Variants in ATRNL1 observed in about 807,000 individuals in gnomAD.
The protein encoded by ATRNL1 is attractin like 1.
A neutral mutation model predicts 182.7 loss-of-function variants in ATRNL1; 95 were observed. The observed-to-expected ratio is 0.52, with a 90% CI of 0.44 to 0.62. ATRNL1 has a LOEUF of 0.62. Among genes scored for constraint, ATRNL1 ranks in the 20% least tolerant of loss-of-function variants. ATRNL1 has a pLI of 0.00. For missense variants in ATRNL1, 1,471 were observed against 1,679.5 expected (o/e 0.88, Z 2.17); for synonymous variants, 576 against 568.3 (o/e 1.01, Z -0.19).
At chr10:115,766,480 C>T (rs1172949827) in intron 27 of ATRNL1, among the ~76,000 whole-genome samples, 1 of 152,214 alleles carries the variant, frequency 6.6e-6, no homozygotes, top group African/African-American at 2.4e-5. Flanking sequence ...GAAAATATCT[C>T]CCCACAGCCT....
intron 4 of ATRNL1, among the ~76,000 whole-genome samples, chr10:115,128,041 T>C (rs11197073): frequency 0.013 from 2,004 of 152,330 alleles, 41 homozygotes; most frequent in African/African-American, 0.046. Flanking sequence ...AGTTGTGAAC[T>C]GCCTTTCAGT....
At chr10:115,696,898 A>AGAG (rs572628639) in intron 26 of ATRNL1, among the ~76,000 whole-genome samples, 1 of 147,584 alleles carries the variant, frequency 6.8e-6, no homozygotes, top group South Asian at 2.1e-4. Flanking sequence ...AGAGAGAGAG[A>AGAG]GCGAGCGAGC....
intron 1 of ATRNL1, among the ~76,000 whole-genome samples, chr10:115,117,288 TCTCA>T (rs1197674383): frequency 5.9e-5 from 9 of 151,926 alleles, no homozygotes; most frequent in African/African-American, 2.2e-4. Flanking sequence ...CAAATACTAG[TCTCA>T]TTCATTCATT....
rs76738279 is a variant in ATRNL1, at chr10:115,758,995, T to A, written c.3903+31640T>A. ...ATGTAATAGTGTCAATAACAAAATA[T>A]TTGTATTACAATTTTAAAATACTTC... On this transcript the variant is annotated intron_variant, in intron 27 of 28. Transcript: ENST00000355044. Among the ~76,000 whole-genome samples the A allele has an allele frequency of 3.0e-3, 451 of 152,338 alleles. 2 individuals carry two copies. Among genetic ancestry groups the A allele is most frequent in the African/African-American group, 0.01 (424 of 41,588 alleles).
At chr10:115,766,781 C>A (rs1472112784) in intron 27 of ATRNL1, among the ~76,000 whole-genome samples, 2 of 152,084 alleles carry the variant, frequency 1.3e-5, no homozygotes, top group African/African-American at 4.8e-5. Context: ...TATCTTCAGA[C>A]TATTATGCAT....
intron 9 of ATRNL1, among the ~76,000 whole-genome samples, chr10:115,225,180 T>C (rs1849639712): frequency 6.6e-6 from 1 of 151,996 alleles, no homozygotes; most frequent in Non-Finnish European, 1.5e-5. Flanking sequence ...TTAAAATTTA[T>C]AAAATTTGAA....
chr10:115,725,099 C>T (rs545358125), intron 26 of ATRNL1, among the ~76,000 whole-genome samples: 36 of 152,210 alleles, frequency 2.4e-4, no homozygotes, highest in African/African-American at 8.4e-4. Context: ...ACCAGATTTG[C>T]TTTACAAACT....
intron 26 of ATRNL1, among the ~76,000 whole-genome samples, chr10:115,711,370 AAG>A (rs1947059217): frequency 6.6e-6 from 1 of 152,178 alleles, no homozygotes; most frequent in South Asian, 2.1e-4. Context: ...TTCTAAAAGG[AAG>A]AGAGGCAGAT....
chr10:115,256,421 G>A (rs1851138803), intron 10 of ATRNL1, among the ~76,000 whole-genome samples: 1 of 152,220 alleles, frequency 6.6e-6, no homozygotes, highest in South Asian at 2.1e-4. Context: ...TAGTTTATTT[G>A]CATAGAGGTG....
chr10:115,606,701 G>A lies in ATRNL1; in HGVS notation c.3795+57165G>A, dbSNP rs185150995. Among the ~76,000 whole-genome samples, 423 of 152,146 alleles carry A rather than the reference G, an allele frequency of 2.8e-3. 1 individual carries two copies. Among genetic ancestry groups the A allele is most frequent in the Non-Finnish European group, 5.1e-3 (348 of 67,892 alleles). Reference sequence around the variant, plus strand: ...TTTTTAAAGAGATGTTTCTATGACAGTATTATACATAAGACTTCAAAATAA... The same window carrying A: ...TTTTTAAAGAGATGTTTCTATGACAATATTATACATAAGACTTCAAAATAA... On this transcript the variant is annotated intron_variant, in intron 26 of 28. Transcript: ENST00000355044.
chr10:115,216,384 G>A (rs564138537), intron 9 of ATRNL1, among the ~76,000 whole-genome samples: 1 of 152,284 alleles, frequency 6.6e-6, no homozygotes, highest in Non-Finnish European at 1.5e-5. Flanking sequence ...AACAGGGTAT[G>A]TGTCCCTGAT....
At chr10:115,493,778 T>A (rs1268860283) in intron 24 of ATRNL1, among the ~76,000 whole-genome samples, 4 of 152,220 alleles carry the variant, frequency 2.6e-5, no homozygotes, top group African/African-American at 9.6e-5. Flanking sequence ...CTAGCTTCTG[T>A]TATTATTTGA....
chr10:115,915,882 A>G (rs1201119687), intron 28 of ATRNL1, among the ~76,000 whole-genome samples: 1 of 152,044 alleles, frequency 6.6e-6, no homozygotes, highest in Non-Finnish European at 1.5e-5. Context: ...GTATAAGGCC[A>G]CAATTTAATT....
At chr10:115,781,417 G>A (rs537103527) in intron 27 of ATRNL1, among the ~76,000 whole-genome samples, 9 of 152,276 alleles carry the variant, frequency 5.9e-5, no homozygotes, top group East Asian at 1.9e-4. Context: ...TTATGGCAGC[G>A]CTCTGTATAC....
In ATRNL1 at chr10:115,127,634, C is replaced by G; in HGVS notation, c.533C>G (p.Pro178Arg). ...VPEIRGNETV[P>R]EVVTTSGYAL... ...GAAATAAGGGGCAATGAAACTGTGC[C>G]TGAAGTTGTTACTACATCTGGCTAT... is the stretch of plus-strand genomic sequence containing the variant. Residue 178 changes from proline to arginine, a missense_variant, in exon 4 of 29, where the codon CCT becomes CGT. Pro to Arg is a moderately radical substitution (Grantham distance 103). This residue lies in a region of ATRNL1 where 1,031 missense variants were observed against 1,156.0 expected (regional missense o/e 0.89). Transcript: ENST00000355044. 1 of 1,607,328 alleles carries G rather than the reference C, an allele frequency of 6.2e-7. No individual in the cohort carries two copies. Among genetic ancestry groups the G allele is most frequent in the Non-Finnish European group, 8.5e-7 (1 of 1,177,068 alleles).
At chr10:115,820,526 A>C (rs1045943058) in intron 27 of ATRNL1, 3 of 152,122 alleles carry the variant, frequency 2.0e-5, no homozygotes, top group Non-Finnish European at 2.9e-5. Context: ...TGATTTAAAA[A>C]CTGATCTCTG....
chr10:115,705,295 A>G (rs1222695214), intron 26 of ATRNL1, among the ~76,000 whole-genome samples: 1 of 151,962 alleles, frequency 6.6e-6, no homozygotes, highest in Non-Finnish European at 1.5e-5. Flanking sequence ...AGTGATTCAA[A>G]TACTAATGGA....
At chr10:115,537,579 T>C (rs1300294178) in intron 25 of ATRNL1, among the ~76,000 whole-genome samples, 1 of 152,200 alleles carries the variant, frequency 6.6e-6, no homozygotes, top group Admixed American at 6.5e-5. Flanking sequence ...AAATCTTCCT[T>C]TTACATTTAT....
At chr10:115,651,976 T>C (rs1860040354) in intron 26 of ATRNL1, among the ~76,000 whole-genome samples, 1 of 152,144 alleles carries the variant, frequency 6.6e-6, no homozygotes, top group Admixed American at 6.6e-5. Context: ...ACAACTGTAG[T>C]AACCCTGTTT....
Sources: gnomAD v4.1 joint callset for allele counts (sites outside exome capture counted in the v4.1 genomes callset) on GRCh38, gnomAD v4.1.1 for gene constraint, gnomAD v4.1.1 regional missense constraint, MANE v1.5 for transcripts, NCBI Gene and HGNC (gene_info 2026-07-23, HGNC 2026-07-21) for gene names.